Variants in TACC2 observed in about 807,000 individuals in gnomAD.
TACC2 encodes the protein transforming acidic coiled-coil-containing protein 2.
TACC2 carries 137 observed loss-of-function variants against 227.3 expected under a neutral mutation model. The ratio of observed to expected loss-of-function variants is 0.60; its 90% CI spans 0.52 to 0.69. The LOEUF is 0.69. Ranked by LOEUF, TACC2 falls within the 30% of genes least tolerant of loss-of-function variation. The pLI, the probability that TACC2 is intolerant of heterozygous loss-of-function variation, is 0.00. For synonymous variants in TACC2, 1,523 were observed against 1,487.5 expected, an observed-to-expected ratio of 1.02 and a Z score of -0.55; for missense variants, 3,470 against 3,694.4, an observed-to-expected ratio of 0.94 and a Z score of 1.57.
chr10:122,083,734 C>A lies in TACC2; in HGVS notation c.1234C>A (p.Pro412Thr). The A allele has an allele frequency of 6.2e-7, 1 of 1,614,052 alleles. No homozygotes were observed. The highest frequency in any genetic ancestry group is 1.1e-5 in the South Asian group (1 of 91,086). Residue 412 changes from proline (P) to threonine (T), a missense_variant, in exon 4 of 23, where the codon CCG becomes ACG. Coordinates refer to ENST00000369005, the MANE Select transcript of TACC2 (RefSeq NM_206862.4). ...PVSPEPSLLT[P>T]TEEAHPASSL... ...GAGCCCTGAACCTTCCCTGCTCACT[C>A]CGACTGAGGAAGCACATCCAGCTTC...
rs370288691 is a variant in TACC2, at chr10:122,059,059, A to ATTTTTTT, written c.146+8512_146+8513insTTTTTTT. On this transcript the variant is annotated intron_variant, in intron 3 of 22. Coordinates refer to ENST00000369005, the MANE Select transcript of TACC2 (RefSeq NM_206862.4). ...AGGCGCCTGCCACTACGCCTGGCTA[A>ATTTTTTT]TTTGTTGTTGTTGTTGTTGTTGTTG... Among the ~76,000 whole-genome samples the ATTTTTTT allele has an allele frequency of 5.0e-5, 6 of 119,218 alleles. 1 individual carries two copies. Among genetic ancestry groups the ATTTTTTT allele is most frequent in the South Asian group, 2.9e-4 (1 of 3,434 alleles). 78.2% of individuals were successfully genotyped at this position (119,218 alleles called of 152,430 possible).
intron 3 of TACC2, among the ~76,000 whole-genome samples, chr10:122,063,857 C>CA (rs757896130): frequency 6.6e-6 from 1 of 150,462 alleles, no homozygotes; most frequent in African/African-American, 2.4e-5. Context: ...CACACACACA[C>CA]CCTTAAAGAA....
intron 1 of TACC2, among the ~76,000 whole-genome samples, chr10:121,994,944 C>T (rs1331777566): frequency 2.0e-5 from 3 of 152,176 alleles, no homozygotes; most frequent in Admixed American, 6.5e-5. Context: ...ATCTAGACCT[C>T]GATCTCTTCA....
chr10:122,117,119 A>G (rs1441881150), intron 5 of TACC2, among the ~76,000 whole-genome samples: 1 of 152,024 alleles, frequency 6.6e-6, no homozygotes, highest in East Asian at 1.9e-4. Context: ...CATTAAATCA[A>G]GTCCCTCAAA....
chr10:122,216,245 A>T (rs981114360), intron 10 of TACC2, among the ~76,000 whole-genome samples: 1 of 152,142 alleles, frequency 6.6e-6, no homozygotes. Flanking sequence ...TTCTGCCTCC[A>T]GGGACTGATG....
Position 122,086,674 on chromosome 10 carries a change from G to A in TACC2, c.4174G>A (p.Val1392Met), listed in dbSNP as rs2080125306. The change falls in exon 4 of 23, where the codon GTG becomes ATG. Residue 1392 changes from valine to methionine, a missense_variant. This residue lies in a region of TACC2 where 1,924 missense variants were observed against 1,978.3 expected (regional missense o/e 0.97). Transcript: ENST00000369005. The stretch of plus-strand genomic sequence containing the variant: ...CCCAAAGCAGGGCACATCAGGTGGT[G>A]TGGACACAAGCTCTGAGCAAATCGC... ...QDPKQGTSGG[V>M]DTSSEQIATL... is the part of the protein sequence containing the mutation. 1 of 1,612,830 alleles carries A rather than the reference G, an allele frequency of 6.2e-7. No homozygotes were observed. Among genetic ancestry groups the A allele is most frequent in the Middle Eastern group, 1.7e-4 (1 of 6,052 alleles).
chr10:122,066,311 C>T (rs1336408693), intron 3 of TACC2, among the ~76,000 whole-genome samples: 1 of 149,868 alleles, frequency 6.7e-6, no homozygotes, highest in Non-Finnish European at 1.5e-5. Context: ...CTCTGTCGCA[C>T]AGGCTGGAGT....
intron 7 of TACC2, 48 bp downstream of exon 7, chr10:122,143,754 G>T: frequency 6.3e-7 from 1 of 1,592,234 alleles, no homozygotes; most frequent in Non-Finnish European, 8.6e-7. Context: ...GAGAGCAGGG[G>T]CCTGGTGGTC....
At chr10:122,242,141 A>G (rs2096010082) in intron 19 of TACC2, 140 bp downstream of exon 19, 2 of 800,830 alleles carry the variant, frequency 2.5e-6, no homozygotes, top group African/African-American at 1.7e-5. Flanking sequence ...ATTCCAGAAA[A>G]TATGGCTTTG....
chr10:122,062,917 TAG>T (rs2076991845), intron 3 of TACC2, among the ~76,000 whole-genome samples: 1 of 152,134 alleles, frequency 6.6e-6, no homozygotes, highest in Non-Finnish European at 1.5e-5. Context: ...TGGATGGCTG[TAG>T]ATGACCCAAG....
chr10:122,225,682 C>T (rs2095613100), intron 12 of TACC2, among the ~76,000 whole-genome samples: 1 of 152,166 alleles, frequency 6.6e-6, no homozygotes, highest in African/African-American at 2.4e-5. Context: ...GGATTGAAAC[C>T]ACAAGGGGCC....
intron 2 of TACC2, among the ~76,000 whole-genome samples, chr10:122,041,193 G>A (rs2074218372): frequency 1.3e-5 from 2 of 152,290 alleles, no homozygotes; most frequent in South Asian, 2.1e-4. Context: ...ATATATATGT[G>A]CACATCTTGT....
intron 7 of TACC2, among the ~76,000 whole-genome samples, chr10:122,153,638 CT>C (rs2092267256): frequency 6.6e-6 from 1 of 152,220 alleles, no homozygotes; most frequent in African/African-American, 2.4e-5. Flanking sequence ...GCAGCCACAG[CT>C]AAACATGTAT....
At chr10:122,212,426 G>A (rs746030181) in intron 9 of TACC2, among the ~76,000 whole-genome samples, 3 of 151,998 alleles carry the variant, frequency 2.0e-5, no homozygotes, top group Admixed American at 6.5e-5. Context: ...CAAGTACATC[G>A]TGCTTAAATA....
intron 3 of TACC2, among the ~76,000 whole-genome samples, chr10:122,057,124 AGATGTTGCAGTGAG>A (rs1216530552): frequency 6.6e-6 from 1 of 152,160 alleles, no homozygotes; most frequent in Non-Finnish European, 1.5e-5. Flanking sequence ...CCCAGGAGGC[AGATGTTGCAGTGAG>A]GTGAGATCAT....
chr10:122,246,641 G>A (rs1342777639), intron 19 of TACC2: 1 of 152,254 alleles, frequency 6.6e-6, no homozygotes, highest in African/African-American at 2.4e-5. Context: ...TGCCCGGGTG[G>A]TTGTGATGCT....
intron 2 of TACC2, among the ~76,000 whole-genome samples, chr10:122,035,321 G>A (rs1959924544): frequency 6.6e-6 from 1 of 152,210 alleles, no homozygotes; most frequent in South Asian, 2.1e-4. Context: ...CTGTAGAGAA[G>A]CAAGACAAAC....
At chr10:122,176,073 TTCTCTCTCTCTCTCTCTCTCTC>T (rs55655832) in intron 7 of TACC2, among the ~76,000 whole-genome samples, 23 of 92,772 alleles carry the variant, frequency 2.5e-4, no homozygotes, top group Admixed American at 2.0e-3. Context: ...GAGCAAAACC[TTCTCTCTCTCTCTCTCTCTCTC>T]TCTCTCTCTC....
At chr10:122,119,536 T>A (rs1398869492) in intron 5 of TACC2, among the ~76,000 whole-genome samples, 1 of 152,210 alleles carries the variant, frequency 6.6e-6, no homozygotes, top group Non-Finnish European at 1.5e-5. Flanking sequence ...TTGTGCTGTT[T>A]TGATCAGGAG....
Sources: gnomAD v4.1 joint callset for allele counts (sites outside exome capture counted in the v4.1 genomes callset) on GRCh38, gnomAD v4.1.1 for gene constraint, gnomAD v4.1.1 regional missense constraint, MANE v1.5 for transcripts, NCBI Gene and HGNC (gene_info 2026-07-23, HGNC 2026-07-21) for gene names.